The following NR2C1 variants were observed in gnomAD, a reference collection of about 807,000 sequenced individuals.
NR2C1 encodes nuclear receptor subfamily 2 group C member 1, also known as TR2 nuclear hormone receptor.
NR2C1 carries 33 observed loss-of-function variants against 74.8 expected under a neutral mutation model. The ratio of observed to expected loss-of-function variants is 0.44; its 90% CI spans 0.33 to 0.59. The LOEUF (loss-of-function observed/expected upper bound fraction) is 0.59, where lower values mean the gene tolerates loss of function less well. Among genes scored for constraint, NR2C1 ranks in the 20% least tolerant of loss-of-function variants. NR2C1 has a pLI of 0.02. For synonymous variants in NR2C1, 225 were observed against 240.6 expected (o/e 0.94, Z 0.60); for missense variants, 568 against 715.6 (o/e 0.79, Z 2.35).
At chr12:95,054,209 A>G (rs180929526) in intron 7 of NR2C1, among the ~76,000 whole-genome samples, 227 of 152,164 alleles carry the variant, frequency 1.5e-3, no homozygotes, top group Middle Eastern at 3.4e-3. Context: ...TCCCATAACA[A>G]CTCTGAAATA....
At chr12:95,066,445 T>C (rs2136200591) in intron 2 of NR2C1, among the ~76,000 whole-genome samples, 1 of 152,294 alleles carries the variant, frequency 6.6e-6, no homozygotes, top group East Asian at 1.9e-4. Flanking sequence ...TACATACATA[T>C]ATGTATATAT....
At chr12:95,045,409 C>T (rs1443538143) in intron 9 of NR2C1, among the ~76,000 whole-genome samples, 2 of 152,050 alleles carry the variant, frequency 1.3e-5, no homozygotes, top group East Asian at 1.9e-4. Context: ...ACAAATATAA[C>T]GCTGGTACCA....
intron 7 of NR2C1, among the ~76,000 whole-genome samples, chr12:95,056,444 TC>T (rs1463338292): frequency 6.6e-6 from 1 of 152,158 alleles, no homozygotes; most frequent in African/African-American, 2.4e-5. Context: ...AGACCCTTGG[TC>T]TAACATAGAG....
intron 12 of NR2C1, 58 bp from the exon 13 acceptor site, chr12:95,025,313 TG>T: frequency 1.1e-6 from 1 of 882,794 alleles, no homozygotes; most frequent in Middle Eastern, 2.6e-4. Context: ...TAAGACAGAG[TG>T]GATATGAAAA....
In NR2C1 at chr12:95,021,975, GTA is replaced by G; in HGVS notation, c.*252_*253del. 1 of 290,550 alleles carries G rather than the reference GTA, an allele frequency of 3.4e-6. No homozygotes were observed. The highest frequency in any genetic ancestry group is 6.5e-5 in the East Asian group (1 of 15,482). 18.0% of individuals were successfully genotyped at this position (290,550 alleles called of 1,614,324 possible). ...GATAATCAAGAGGTGACAGCTTCAG[GTA>G]TCATCTTCACCAAGAATAAATTTGT... On this transcript the variant is annotated 3_prime_UTR_variant, in exon 14 of 14. Coordinates refer to ENST00000333003, the MANE Select transcript of NR2C1 (RefSeq NM_003297.4).
At chr12:95,053,507 T>A (rs1175170976) in intron 7 of NR2C1, among the ~76,000 whole-genome samples, 1 of 152,048 alleles carries the variant, frequency 6.6e-6, no homozygotes, top group Non-Finnish European at 1.5e-5. Context: ...CTGAGTATAA[T>A]TTTTAATTCA....
chr12:95,029,116 C>G (rs186819081), intron 11 of NR2C1, among the ~76,000 whole-genome samples: 18 of 152,308 alleles, frequency 1.2e-4, no homozygotes, highest in Non-Finnish European at 2.4e-4. Flanking sequence ...GGGTCTCGCT[C>G]TGTTGCCCAA....
intron 10 of NR2C1, among the ~76,000 whole-genome samples, chr12:95,033,935 C>A (rs249171): frequency 0.7 from 106,005 of 152,078 alleles, 37,176 homozygotes; most frequent in African/African-American, 0.75. Flanking sequence ...TAAGATGATG[C>A]AACTATAAGA....
At chr12:95,059,847 C>G in intron 4 of NR2C1, 59 bp downstream of exon 4, 1 of 1,212,486 alleles carries the variant, frequency 8.2e-7, no homozygotes. Flanking sequence ...TTCAACAACA[C>G]GACACATATA....
chr12:95,067,751 T>TG (rs1418736579), intron 1 of NR2C1, among the ~76,000 whole-genome samples: 2 of 151,958 alleles, frequency 1.3e-5, no homozygotes, highest in African/African-American at 4.8e-5. Flanking sequence ...TTTGTACAGA[T>TG]GGGGTCTCAC....
intron 8 of NR2C1, among the ~76,000 whole-genome samples, 172 bp downstream of exon 8, chr12:95,051,590 G>A (rs2136156766): frequency 6.6e-6 from 1 of 152,286 alleles, no homozygotes. Context: ...AATCTGAAGT[G>A]TTTCTGGTCT....
At chr12:95,067,905 G>C (rs551333418) in intron 1 of NR2C1, among the ~76,000 whole-genome samples, 1 of 131,488 alleles carries the variant, frequency 7.6e-6, no homozygotes, top group East Asian at 2.4e-4. Context: ...TTTTGAGATG[G>C]AGTCTTGCTC....
At chr12:95,030,701 A>T in intron 11 of NR2C1, 1 of 1,602,002 alleles carries the variant, frequency 6.2e-7, no homozygotes, top group East Asian at 2.3e-5. Flanking sequence ...TATGCTAAAG[A>T]ACTAAAAGGT....
intron 10 of NR2C1, among the ~76,000 whole-genome samples, chr12:95,036,594 T>G (rs1052363581): frequency 6.6e-6 from 1 of 150,712 alleles, no homozygotes; most frequent in African/African-American, 2.4e-5. Context: ...CACTACAACC[T>G]CCGTCTCCTG....
At chr12:95,053,139 A>G (rs1035296512) in intron 7 of NR2C1, among the ~76,000 whole-genome samples, 1 of 151,594 alleles carries the variant, frequency 6.6e-6, no homozygotes, top group Non-Finnish European at 1.5e-5. Context: ...ATGTCCAGCT[A>G]ATTTTTTAAT....
intron 8 of NR2C1, among the ~76,000 whole-genome samples, chr12:95,051,332 T>C (rs1872970711): frequency 6.6e-6 from 1 of 152,160 alleles, no homozygotes; most frequent in Non-Finnish European, 1.5e-5. Context: ...CCAGCTGAGA[T>C]AAATCTTTTC....
At chr12:95,023,385 A>G (rs1868988163) in intron 13 of NR2C1, among the ~76,000 whole-genome samples, 1 of 152,032 alleles carries the variant, frequency 6.6e-6, no homozygotes, top group Non-Finnish European at 1.5e-5. Context: ...TTCTATCTCA[A>G]GAAAAAGAAA....
intron 11 of NR2C1, among the ~76,000 whole-genome samples, chr12:95,029,314 C>G (rs920178051): frequency 6.6e-6 from 1 of 152,042 alleles, no homozygotes; most frequent in Admixed American, 6.6e-5. Flanking sequence ...CCCCTGACCT[C>G]AAGTGATCTG....
At chr12:95,061,625 TAC>T (rs914122273) in intron 3 of NR2C1, among the ~76,000 whole-genome samples, 5 of 152,224 alleles carry the variant, frequency 3.3e-5, no homozygotes, top group African/African-American at 1.2e-4. Context: ...TATCAGGATA[TAC>T]AGACAAAATT....
Sources: gnomAD v4.1 joint callset for allele counts (sites outside exome capture counted in the v4.1 genomes callset) on GRCh38, gnomAD v4.1.1 for gene constraint, MANE v1.5 for transcripts, NCBI Gene and HGNC (gene_info 2026-07-23, HGNC 2026-07-21) for gene names.